Variants in NRXN1 observed in about 807,000 individuals in gnomAD.
NRXN1 encodes the protein neurexin-1.
NRXN1 carries 39 observed loss-of-function variants against 150.9 expected under a neutral mutation model. The ratio of observed to expected loss-of-function variants is 0.26; its 90% CI spans 0.20 to 0.34. The LOEUF (loss-of-function observed/expected upper bound fraction) is 0.34, where lower values mean the gene tolerates loss of function less well. Among genes scored for constraint, NRXN1 ranks in the 10% least tolerant of loss-of-function variants. The pLI is 1.00. For missense variants in NRXN1, 1,815 were observed against 1,949.9 expected (o/e 0.93, Z 1.30); for synonymous variants, 924 against 757.0 (o/e 1.22, Z -3.62).
At chr2:50,670,924 G>A (rs188366525) in intron 5 of NRXN1, among the ~76,000 whole-genome samples, 317 of 151,900 alleles carry the variant, frequency 2.1e-3, no homozygotes, top group Admixed American at 5.1e-3. Context: ...GTTGGTGTCC[G>A]CTGTGTTACT....
intron 19 of NRXN1, among the ~76,000 whole-genome samples, chr2:50,070,031 T>C (rs1364094911): frequency 6.6e-6 from 1 of 151,928 alleles, no homozygotes; most frequent in African/African-American, 2.4e-5. Context: ...TTTGTATTTT[T>C]AGTAGAGACG....
intron 17 of NRXN1, among the ~76,000 whole-genome samples, chr2:50,353,318 C>A (rs2078557917): frequency 6.6e-6 from 1 of 152,088 alleles, no homozygotes; most frequent in African/African-American, 2.4e-5. Flanking sequence ...GAGCACCAAC[C>A]AATAATATGC....
At chr2:50,987,534 C>G (rs754115148) in intron 2 of NRXN1, among the ~76,000 whole-genome samples, 1 of 151,896 alleles carries the variant, frequency 6.6e-6, no homozygotes, top group Non-Finnish European at 1.5e-5. Flanking sequence ...GTTATTACAT[C>G]TGTGTGTGTC....
intron 8 of NRXN1, among the ~76,000 whole-genome samples, chr2:50,604,340 A>G (rs913843855): frequency 7.2e-5 from 11 of 152,210 alleles, no homozygotes; most frequent in African/African-American, 2.7e-4. Flanking sequence ...GCAGTTTAAT[A>G]AGCTCTCAGA....
intron 17 of NRXN1, among the ~76,000 whole-genome samples, chr2:50,402,732 G>A (rs961194293): frequency 6.6e-6 from 1 of 152,062 alleles, no homozygotes; most frequent in Non-Finnish European, 1.5e-5. Context: ...TGTTTTATGC[G>A]TGAAGAATCC....
At chr2:50,503,160 T>C (rs1214211823) in intron 13 of NRXN1, among the ~76,000 whole-genome samples, 2 of 151,834 alleles carry the variant, frequency 1.3e-5, no homozygotes, top group Non-Finnish European at 2.9e-5. Flanking sequence ...CTACAAAAAT[T>C]AGCTGGGCAT....
rs1410860017 is a variant in NRXN1 at position 50,098,860 on chromosome 2, T to G, written c.3547-7366A>C. 6.2e-3 allele frequency among the ~76,000 whole-genome samples: 191 copies of G among 30,598 alleles called. 9 individuals carry two copies. Among genetic ancestry groups the G allele is most frequent in the African/African-American group, 0.024 (180 of 7,466 alleles). 20.1% of individuals were successfully genotyped at this position (30,598 alleles called of 152,430 possible). On this transcript the variant is annotated intron_variant, in intron 18 of 22. Transcript: ENST00000401669. ...TTTTTTTTTTTTTTTTTTTTTTTTTTTTTTTTTTTTTTTTTTTTTTTTGGC... is the reference window on the plus strand; with the variant it reads ...TTTTTTTTTTTTTTTTTTTTTTTTTGTTTTTTTTTTTTTTTTTTTTTTGGC...
chr2:50,023,233 T>C (rs1362754054), intron 21 of NRXN1: 1 of 152,214 alleles, frequency 6.6e-6, no homozygotes, highest in Non-Finnish European at 1.5e-5. Flanking sequence ...TTAGTAAATC[T>C]AGGTGCTGCT....
chr2:50,587,271 G>A (rs1229381288), intron 8 of NRXN1, among the ~76,000 whole-genome samples: 1 of 152,300 alleles, frequency 6.6e-6, no homozygotes, highest in Non-Finnish European at 1.5e-5. Context: ...GATCACTTGA[G>A]AACAGGAGTT....
At chr2:51,014,931 C>A (rs1346800281) in intron 2 of NRXN1, among the ~76,000 whole-genome samples, 4 of 151,968 alleles carry the variant, frequency 2.6e-5, no homozygotes, top group South Asian at 2.1e-4. Context: ...TGATACACTG[C>A]CAGAAATGAC....
rs536181432 is a variant in NRXN1, at chr2:50,786,159, T to C, written c.832+135710A>G. Among the ~76,000 whole-genome samples, 3 of 152,194 alleles carry C rather than the reference T, an allele frequency of 2.0e-5. No homozygotes were observed. In the East Asian group the frequency reaches 5.8e-4, roughly 29 times the overall value. The stretch of plus-strand genomic sequence containing the variant: ...TTTATTTAAAAAATATGAACTGTAA[T>C]ACATATATAAAATATGAATATTTTA... On this transcript the variant is annotated intron_variant, in intron 5 of 22. Coordinates refer to ENST00000401669, the MANE Select transcript of NRXN1 (RefSeq NM_001330078.2).
chr2:50,954,445 G>C (rs1312312628), intron 2 of NRXN1, among the ~76,000 whole-genome samples: 1 of 152,174 alleles, frequency 6.6e-6, no homozygotes, highest in Non-Finnish European at 1.5e-5. Context: ...CTCACACAGA[G>C]TCCAACCCAG....
In NRXN1 at chr2:50,707,490, C is replaced by T. The variant is rs1226913549; in HGVS notation, c.833-83875G>A. On this transcript the variant is annotated intron_variant, in intron 5 of 22. Coordinates refer to ENST00000401669, the MANE Select transcript of NRXN1 (RefSeq NM_001330078.2). ...TTTCAACTTCCAAATTTCTGGCAGA[C>T]GTTATCTTGTACTTTCAGCTTTTTT... Among the ~76,000 whole-genome samples the T allele has an allele frequency of 1.2e-4, 18 of 152,236 alleles. No individual in the cohort carries two copies. In the South Asian group the frequency reaches 1.9e-3, roughly 16 times the overall value.
intron 17 of NRXN1, among the ~76,000 whole-genome samples, chr2:50,366,256 A>T (rs1327770940): frequency 6.6e-6 from 1 of 151,790 alleles, no homozygotes; most frequent in Non-Finnish European, 1.5e-5. Context: ...AAATGAAATA[A>T]TTTGTAATAA....
intron 11 of NRXN1, 131 bp from the exon 12 acceptor site, chr2:50,528,782 C>A (rs2093024512): frequency 5.3e-6 from 3 of 569,426 alleles, no homozygotes; most frequent in South Asian, 2.4e-5. Context: ...TATCATTATT[C>A]TTTACATACT....
chr2:50,140,924 C>T (rs923233337), intron 18 of NRXN1, among the ~76,000 whole-genome samples: 1 of 151,666 alleles, frequency 6.6e-6, no homozygotes, highest in African/African-American at 2.4e-5. Context: ...ATATATAAAA[C>T]AACTACAAAA....
intron 2 of NRXN1, among the ~76,000 whole-genome samples, chr2:51,010,796 C>CT (rs35134042): frequency 5.6e-4 from 81 of 144,072 alleles, no homozygotes; most frequent in Middle Eastern, 3.7e-3. Context: ...CTTTTCTGTG[C>CT]TTTTTTTTTT....
At chr2:50,921,230 T>A (rs1187871011) in intron 5 of NRXN1, among the ~76,000 whole-genome samples, 1 of 151,804 alleles carries the variant, frequency 6.6e-6, no homozygotes, top group South Asian at 2.1e-4. Flanking sequence ...TGCTTCTGGA[T>A]TTCGTACCAA....
chr2:50,410,295 G>C (rs1474043015), intron 17 of NRXN1, among the ~76,000 whole-genome samples: 1 of 152,152 alleles, frequency 6.6e-6, no homozygotes, highest in African/African-American at 2.4e-5. Flanking sequence ...AGCTTGCACT[G>C]CTATCAGACC....
Sources: gnomAD v4.1 joint callset for allele counts (sites outside exome capture counted in the v4.1 genomes callset) on GRCh38, gnomAD v4.1.1 for gene constraint, MANE v1.5 for transcripts, NCBI Gene and HGNC (gene_info 2026-07-23, HGNC 2026-07-21) for gene names.